The following ERBB4 variants were observed in gnomAD, a reference collection of about 807,000 sequenced individuals.
The protein encoded by ERBB4 is receptor tyrosine-protein kinase erbB-4.
A neutral mutation model predicts 158.0 loss-of-function variants in ERBB4; 42 were observed. That is an observed-to-expected ratio of 0.27 (90% CI 0.21 to 0.34). The LOEUF (loss-of-function observed/expected upper bound fraction) is 0.34. Among genes scored for constraint, ERBB4 ranks in the 10% least tolerant of loss-of-function variants. ERBB4 has a pLI of 1.00. For missense variants in ERBB4, 1,333 were observed against 1,624.1 expected (o/e 0.82, Z 3.08); for synonymous variants, 583 against 558.7 (o/e 1.04, Z -0.61).
chr2:211,893,716 A>G lies in ERBB4; in HGVS notation c.421+53714T>C, dbSNP rs1419320101. 3.2e-5 allele frequency among the ~76,000 whole-genome samples: 4 copies of G among 123,884 alleles called. No individual in the cohort carries two copies. In the East Asian group the frequency reaches 6.4e-4, roughly 20 times the overall value. 81.3% of individuals were successfully genotyped at this position (123,884 alleles called of 152,430 possible). On this transcript the variant is annotated intron_variant, in intron 3 of 27. Transcript: ENST00000342788. Reference sequence around the variant, plus strand: ...AATGAACTCAAACAAATTTACAAGAAAAAAACAAACAACCCCATCAAAAAG... The same window carrying G: ...AATGAACTCAAACAAATTTACAAGAGAAAAACAAACAACCCCATCAAAAAG...
At chr2:212,285,065 T>A (rs1484067714) in intron 1 of ERBB4, among the ~76,000 whole-genome samples, 1 of 152,114 alleles carries the variant, frequency 6.6e-6, no homozygotes, top group African/African-American at 2.4e-5. Flanking sequence ...TAAGATATCA[T>A]TAGAAGCCTT....
intron 1 of ERBB4, among the ~76,000 whole-genome samples, chr2:212,416,638 T>G (rs900239398): frequency 2.0e-5 from 3 of 152,046 alleles, no homozygotes; most frequent in Non-Finnish European, 4.4e-5. Flanking sequence ...ATATATTAAT[T>G]TCATGAAACA....
intron 1 of ERBB4, among the ~76,000 whole-genome samples, chr2:212,322,997 T>C (rs530633221): frequency 2.0e-5 from 3 of 150,676 alleles, no homozygotes; most frequent in East Asian, 2.0e-4. Flanking sequence ...GATTGCTTGA[T>C]TGAATAAAAA....
chr2:212,350,652 TC>T lies in ERBB4; in HGVS notation c.82+187796del, dbSNP rs201244127. Among the ~76,000 whole-genome samples, 69 of 152,250 alleles carry T rather than the reference TC, an allele frequency of 4.5e-4. No individual in the cohort carries two copies. The East Asian group carries it at 0.012, about 26-fold the overall frequency. On this transcript the variant is annotated intron_variant, in intron 1 of 27. Coordinates refer to ENST00000342788, the MANE Select transcript of ERBB4 (RefSeq NM_005235.3). ...TAAGTCGTTCAAATCTTTCATGAGT[TC>T]TATGATCAGTAAAACACAAATATTT... is the stretch of plus-strand genomic sequence containing the variant.
intron 20 of ERBB4, among the ~76,000 whole-genome samples, chr2:211,554,220 T>C (rs2067178371): frequency 1.3e-5 from 2 of 152,236 alleles, no homozygotes; most frequent in Admixed American, 1.3e-4. Context: ...CAGAGTTATC[T>C]GGCATAGCAC....
chr2:211,935,060 C>T (rs945778770), intron 3 of ERBB4, among the ~76,000 whole-genome samples: 2 of 151,998 alleles, frequency 1.3e-5, no homozygotes, highest in Admixed American at 6.6e-5. Context: ...TTCTCAGAAT[C>T]CCTATAGCAT....
chr2:212,170,053 G>A (rs1325519122), intron 1 of ERBB4, among the ~76,000 whole-genome samples: 1 of 152,188 alleles, frequency 6.6e-6, no homozygotes, highest in African/African-American at 2.4e-5. Context: ...AGTGACTTTG[G>A]AACTGGGTAA....
At chr2:211,703,305 G>T (rs2073319757) in intron 11 of ERBB4, among the ~76,000 whole-genome samples, 1 of 152,128 alleles carries the variant, frequency 6.6e-6, no homozygotes, top group Admixed American at 6.5e-5. Flanking sequence ...CACTTTAATA[G>T]ATTGTATCTT....
chr2:211,522,739 G>A (rs1574663845), intron 20 of ERBB4, among the ~76,000 whole-genome samples: 2 of 152,074 alleles, frequency 1.3e-5, no homozygotes, highest in East Asian at 3.9e-4. Flanking sequence ...CTCACTAAAG[G>A]CTTAGACGAT....
At chr2:211,682,928 T>C (rs2072413422) in intron 12 of ERBB4, among the ~76,000 whole-genome samples, 1 of 151,812 alleles carries the variant, frequency 6.6e-6, no homozygotes, top group Non-Finnish European at 1.5e-5. Context: ...TTTTTTCCTG[T>C]TGGTCCATTC....
At chr2:211,985,787 T>A (rs1050650148) in intron 2 of ERBB4, among the ~76,000 whole-genome samples, 2 of 152,080 alleles carry the variant, frequency 1.3e-5, no homozygotes, top group African/African-American at 2.4e-5. Context: ...TGGGCAGTCA[T>A]ACTAAAAATC....
At chr2:211,841,404 C>G (rs1384982443) in intron 3 of ERBB4, among the ~76,000 whole-genome samples, 1 of 151,840 alleles carries the variant, frequency 6.6e-6, no homozygotes, top group Non-Finnish European at 1.5e-5. Flanking sequence ...AAATATTGTG[C>G]CTGACAATAA....
chr2:211,828,935 T>C (rs1266288038), intron 3 of ERBB4, among the ~76,000 whole-genome samples: 1 of 152,160 alleles, frequency 6.6e-6, no homozygotes, highest in Non-Finnish European at 1.5e-5. Flanking sequence ...AGCTCAATTT[T>C]GCCTATTCAG....
intron 19 of ERBB4, 147 bp from the exon 20 acceptor site, chr2:211,562,235 T>C: frequency 1.4e-6 from 1 of 708,290 alleles, no homozygotes; most frequent in Admixed American, 2.3e-5. Context: ...TAATTTCAGT[T>C]ATTCTATCTT....
chr2:211,812,273 G>A (rs1183321741), intron 3 of ERBB4, among the ~76,000 whole-genome samples: 1 of 152,112 alleles, frequency 6.6e-6, no homozygotes, highest in Non-Finnish European at 1.5e-5. Context: ...TTTTCCAACA[G>A]GTCCCTCAGC....
At chr2:212,403,357 TA>T (rs1034094714) in intron 1 of ERBB4, among the ~76,000 whole-genome samples, 3 of 151,972 alleles carry the variant, frequency 2.0e-5, no homozygotes, top group African/African-American at 7.2e-5. Context: ...TTCAAACAAT[TA>T]AAAATAGAAC....
chr2:211,571,651 C>T (rs567940207), intron 19 of ERBB4, among the ~76,000 whole-genome samples: 1 of 152,232 alleles, frequency 6.6e-6, no homozygotes, highest in South Asian at 2.1e-4. Flanking sequence ...AAATGTCTGG[C>T]ATCTCTGTTT....
chr2:211,771,631 C>T (rs897766820), intron 4 of ERBB4, among the ~76,000 whole-genome samples: 2 of 152,098 alleles, frequency 1.3e-5, no homozygotes, highest in African/African-American at 4.8e-5. Context: ...GCTGAAGAGT[C>T]AAATGCTTTT....
intron 3 of ERBB4, among the ~76,000 whole-genome samples, chr2:211,861,640 C>T (rs997902390): frequency 1.3e-5 from 2 of 151,992 alleles, no homozygotes; most frequent in East Asian, 3.9e-4. Flanking sequence ...GTGATACATG[C>T]ACAATATGTT....
Sources: gnomAD v4.1 joint callset for allele counts (sites outside exome capture counted in the v4.1 genomes callset) on GRCh38, gnomAD v4.1.1 for gene constraint, MANE v1.5 for transcripts, NCBI Gene and HGNC (gene_info 2026-07-23, HGNC 2026-07-21) for gene names.